The following KIAA0825 variants were observed in gnomAD, a reference collection of about 807,000 sequenced individuals.
KIAA0825 encodes KIAA0825.
KIAA0825 carries 119 observed loss-of-function variants against 147.6 expected under a neutral mutation model. The observed-to-expected ratio is 0.81, with a 90% CI of 0.69 to 0.94. The LOEUF is 0.94. KIAA0825 is among the 40% of genes least tolerant of loss of function. The probability of loss-of-function intolerance (pLI) is 0.00; values close to 1 mark genes in which losing one functional copy is unlikely to be tolerated. For missense variants in KIAA0825, 1,381 were observed against 1,472.7 expected (o/e 0.94, Z 1.02); for synonymous variants, 470 against 518.1 (o/e 0.91, Z 1.26).
intron 20 of KIAA0825, among the ~76,000 whole-genome samples, chr5:94,186,710 C>T (rs1031665659): frequency 6.6e-6 from 1 of 152,154 alleles, no homozygotes; most frequent in Non-Finnish European, 1.5e-5. Context: ...GAAGGAGCTA[C>T]TGAGATCAAA....
chr5:94,393,849 C>CTT (rs34735109), intron 17 of KIAA0825, among the ~76,000 whole-genome samples: 21 of 139,104 alleles, frequency 1.5e-4, no homozygotes, highest in East Asian at 2.1e-4. Flanking sequence ...AAGAAACACT[C>CTT]TTTTTTTTTT....
At chr5:94,541,710 C>T (rs1773351703) in intron 2 of KIAA0825, among the ~76,000 whole-genome samples, 1 of 152,148 alleles carries the variant, frequency 6.6e-6, no homozygotes, top group Non-Finnish European at 1.5e-5. Context: ...CAAATCTTAC[C>T]TTATGGTCAA....
chr5:94,333,218 C>T (rs1166954751), intron 20 of KIAA0825, among the ~76,000 whole-genome samples: 1 of 152,134 alleles, frequency 6.6e-6, no homozygotes, highest in Non-Finnish European at 1.5e-5. Context: ...TGTGCAGAAA[C>T]TCTTTAGTTT....
chr5:94,369,373 C>T (rs1038749219), intron 20 of KIAA0825, among the ~76,000 whole-genome samples: 7 of 152,110 alleles, frequency 4.6e-5, no homozygotes, highest in African/African-American at 1.4e-4. Flanking sequence ...AATGTGAATG[C>T]ATTCACCTTC....
Position 94,441,261 on chromosome 5 carries a change from G to C in KIAA0825, c.2358-1140C>G, listed in dbSNP as rs998094665. On this transcript the variant is annotated intron_variant, in intron 13 of 20. Transcript: ENST00000682413. ...CATCCCATCAGAAATTCTGGGGCGGGGATTGGGGGCGGGGAGCGGGGGACA... is the reference window on the plus strand; with the variant it reads ...CATCCCATCAGAAATTCTGGGGCGGCGATTGGGGGCGGGGAGCGGGGGACA... Among the ~76,000 whole-genome samples the C allele has an allele frequency of 2.6e-5, 4 of 152,048 alleles. 1 individual carries two copies. Among genetic ancestry groups the C allele is most frequent in the Admixed American group, 2.0e-4 (3 of 15,276 alleles).
At chr5:94,363,053 A>G (rs1033241809) in intron 20 of KIAA0825, among the ~76,000 whole-genome samples, 2 of 152,356 alleles carry the variant, frequency 1.3e-5, no homozygotes, top group East Asian at 3.9e-4. Context: ...TCAGATGAAT[A>G]CACAAAGCAA....
chr5:94,553,553 C>G (rs1775957613), intron 2 of KIAA0825, among the ~76,000 whole-genome samples: 1 of 150,682 alleles, frequency 6.6e-6, no homozygotes, highest in Non-Finnish European at 1.5e-5. Flanking sequence ...TCACCTGAGG[C>G]CAGGAGTTTG....
chr5:94,539,044 T>C (rs1287980363), intron 2 of KIAA0825, among the ~76,000 whole-genome samples: 1 of 151,832 alleles, frequency 6.6e-6, no homozygotes, highest in Non-Finnish European at 1.5e-5. Flanking sequence ...AGATAGGAGG[T>C]CAGCACAAAG....
intron 13 of KIAA0825, among the ~76,000 whole-genome samples, chr5:94,442,478 A>G (rs1274459058): frequency 2.0e-5 from 3 of 152,158 alleles, no homozygotes; most frequent in Non-Finnish European, 4.4e-5. Context: ...ACATCCCAGG[A>G]GTTCTGAATT....
chr5:94,191,954 T>TA (rs1240394336), intron 20 of KIAA0825, among the ~76,000 whole-genome samples: 2 of 152,222 alleles, frequency 1.3e-5, no homozygotes, highest in African/African-American at 2.4e-5. Flanking sequence ...ATCAGTGAAT[T>TA]AAAAAATCAA....
intron 20 of KIAA0825, among the ~76,000 whole-genome samples, chr5:94,217,556 G>A (rs909083280): frequency 2.0e-5 from 3 of 152,150 alleles, no homozygotes; most frequent in African/African-American, 4.8e-5. Flanking sequence ...TACCCATACT[G>A]TAGGTAGCCC....
chr5:94,352,579 A>C (rs976423949), intron 20 of KIAA0825, among the ~76,000 whole-genome samples: 2 of 152,220 alleles, frequency 1.3e-5, no homozygotes, highest in Admixed American at 6.5e-5. Flanking sequence ...ATATCTACCC[A>C]GAGGGAAAAA....
chr5:94,555,300 T>C (rs1452739193), intron 2 of KIAA0825, among the ~76,000 whole-genome samples: 1 of 152,158 alleles, frequency 6.6e-6, no homozygotes, highest in African/African-American at 2.4e-5. Context: ...ATTGAAGTCA[T>C]ATTAGGAAAC....
chr5:94,557,487 C>A (rs1048726573), intron 2 of KIAA0825, among the ~76,000 whole-genome samples: 1 of 151,396 alleles, frequency 6.6e-6, no homozygotes, highest in Non-Finnish European at 1.5e-5. Flanking sequence ...GGATCTAACC[C>A]TAGTCATAAT....
intron 2 of KIAA0825, 123 bp from the exon 3 acceptor site, chr5:94,537,250 C>A: frequency 1.6e-6 from 1 of 628,340 alleles, no homozygotes; most frequent in Non-Finnish European, 2.8e-6. Context: ...TATTTACAGG[C>A]ACAATGAAAT....
At chr5:94,570,252 C>T (rs918487839) in intron 2 of KIAA0825, 3 of 152,756 alleles carry the variant, frequency 2.0e-5, no homozygotes, top group African/African-American at 7.2e-5. Context: ...TTCCTCCTCA[C>T]CCTATTAACA....
chr5:94,423,507 G>C (rs1313605611), intron 14 of KIAA0825, among the ~76,000 whole-genome samples: 1 of 152,092 alleles, frequency 6.6e-6, no homozygotes, highest in East Asian at 1.9e-4. Context: ...GTATTTATTG[G>C]TACTAAAGAT....
At chr5:94,490,339 A>G (rs944175033) in intron 5 of KIAA0825, among the ~76,000 whole-genome samples, 2 of 152,212 alleles carry the variant, frequency 1.3e-5, no homozygotes, top group African/African-American at 4.8e-5. Context: ...AAAACCTAAA[A>G]TGTATTCTTT....
intron 20 of KIAA0825, among the ~76,000 whole-genome samples, chr5:94,340,807 GA>G (rs1782293678): frequency 6.6e-6 from 1 of 152,098 alleles, no homozygotes. Flanking sequence ...TTGTAGTGGA[GA>G]AAAAGTAAAA....
Sources: allele counts gnomAD v4.1 joint callset (sites outside exome capture counted in the v4.1 genomes callset), GRCh38; gene constraint gnomAD v4.1.1; transcripts MANE v1.5; gene names NCBI Gene and HGNC (gene_info 2026-07-23, HGNC 2026-07-21).